CNTN4: variants seen among roughly 807,000 people sequenced by gnomAD.
CNTN4 encodes contactin 4, also known as contactin-4.
A neutral mutation model predicts 122.5 loss-of-function variants in CNTN4; 77 were observed. That is an observed-to-expected ratio of 0.63 (90% CI 0.52 to 0.76). The LOEUF is 0.76. Among genes scored for constraint, CNTN4 ranks in the 30% least tolerant of loss-of-function variants. CNTN4 has a pLI of 0.00. For missense variants in CNTN4, 1,256 were observed against 1,259.1 expected, an observed-to-expected ratio of 1.00 and a Z score of 0.04; for synonymous variants, 512 against 447.0, an observed-to-expected ratio of 1.15 and a Z score of -1.83.
At chr3:2,723,101 T>A (rs1172627112) in intron 4 of CNTN4, among the ~76,000 whole-genome samples, 1 of 152,192 alleles carries the variant, frequency 6.6e-6, no homozygotes, top group Non-Finnish European at 1.5e-5. Flanking sequence ...TTTCCCACTA[T>A]ATTTCTAGGT....
At chr3:2,792,400 G>T (rs1220925813) in intron 6 of CNTN4, among the ~76,000 whole-genome samples, 2 of 152,118 alleles carry the variant, frequency 1.3e-5, no homozygotes, top group East Asian at 3.8e-4. Context: ...CTCCTAGTTT[G>T]ACAGAAATAA....
At chr3:2,684,165 A>T (rs1326474426) in intron 4 of CNTN4, among the ~76,000 whole-genome samples, 1 of 152,162 alleles carries the variant, frequency 6.6e-6, no homozygotes, top group African/African-American at 2.4e-5. Context: ...TTTAAATACA[A>T]GGGGAAGCCA....
chr3:2,500,953 T>C (rs1174491354), intron 3 of CNTN4, among the ~76,000 whole-genome samples: 1 of 152,172 alleles, frequency 6.6e-6, no homozygotes, highest in Admixed American at 6.5e-5. Context: ...GCACAATGTA[T>C]AGATTGTTAA....
chr3:2,750,636 C>A (rs939310198), intron 6 of CNTN4, among the ~76,000 whole-genome samples: 1 of 152,144 alleles, frequency 6.6e-6, no homozygotes, highest in East Asian at 1.9e-4. Flanking sequence ...TTCAGTCTCT[C>A]TGCAGCATTA....
intron 6 of CNTN4, among the ~76,000 whole-genome samples, chr3:2,764,410 C>T (rs547011310): frequency 3.3e-5 from 5 of 152,202 alleles, no homozygotes; most frequent in African/African-American, 1.2e-4. Context: ...ACAGAATGTA[C>T]AAAGGTGCTG....
intron 4 of CNTN4, among the ~76,000 whole-genome samples, chr3:2,703,351 A>C (rs2086465077): frequency 6.6e-6 from 1 of 152,204 alleles, no homozygotes; most frequent in African/African-American, 2.4e-5. Flanking sequence ...GCTTACATGA[A>C]ATGGAAAAAA....
At chr3:3,051,016 C>G (rs993840413) in intron 23 of CNTN4, among the ~76,000 whole-genome samples, 3 of 152,130 alleles carry the variant, frequency 2.0e-5, no homozygotes, top group African/African-American at 4.8e-5. Flanking sequence ...TGGCCCAACA[C>G]AAATTCATAA....
At chr3:2,272,755 T>C (rs992909024) in intron 2 of CNTN4, among the ~76,000 whole-genome samples, 2 of 152,118 alleles carry the variant, frequency 1.3e-5, no homozygotes, top group Non-Finnish European at 2.9e-5. Context: ...TGATTACTTA[T>C]GGTTTCTCAT....
Position 3,019,217 on chromosome 3 carries a change from C to T in CNTN4, c.1487-6885C>T, listed in dbSNP as rs553600561. Reference sequence around the variant, plus strand: ...AAGGAGTCTTTAATGGATTCTAAGGCTGGTGGGTACAAGTTTGATGACCAT... The same window carrying T: ...AAGGAGTCTTTAATGGATTCTAAGGTTGGTGGGTACAAGTTTGATGACCAT... On this transcript the variant is annotated intron_variant, in intron 14 of 24. Coordinates refer to ENST00000418658, the MANE Select transcript of CNTN4 (RefSeq NM_175607.3). Among the ~76,000 whole-genome samples, 3 of 152,308 alleles carry T rather than the reference C, an allele frequency of 2.0e-5. No homozygotes were observed. The South Asian group carries it at 6.2e-4, about 32-fold the overall frequency.
intron 2 of CNTN4, among the ~76,000 whole-genome samples, chr3:2,195,932 G>C (rs551174369): frequency 6.6e-6 from 1 of 152,172 alleles, no homozygotes. Flanking sequence ...AGTAAGGATT[G>C]TGGCATTACC....
At chr3:2,527,610 A>C (rs1040643039) in intron 3 of CNTN4, among the ~76,000 whole-genome samples, 1 of 152,132 alleles carries the variant, frequency 6.6e-6, no homozygotes, top group Admixed American at 6.6e-5. Flanking sequence ...TTCATCCGTA[A>C]AGCACCTTCT....
In CNTN4 at chr3:2,244,219, AAT is replaced by A. The variant is rs1491456211; in HGVS notation, c.-144-94958_-144-94957del. 7.3e-3 allele frequency among the ~76,000 whole-genome samples: 1,086 copies of A among 149,376 alleles called. 12 individuals carry two copies. Among genetic ancestry groups the A allele is most frequent in the African/African-American group, 0.019 (795 of 41,124 alleles). ...TATAACATCATACTGTAATAAAAAA[AAT>A]CTATGTAAATGTGGTTTCTCTCTCT... On this transcript the variant is annotated intron_variant, in intron 2 of 24. Coordinates refer to ENST00000418658, the MANE Select transcript of CNTN4 (RefSeq NM_175607.3).
At chr3:2,811,452 A>ATTAT (rs146081354) in intron 6 of CNTN4, among the ~76,000 whole-genome samples, 7,640 of 146,414 alleles carry the variant, frequency 0.052, 697 homozygotes, top group African/African-American at 0.18. Flanking sequence ...TTTTTATTTT[A>ATTAT]TTATTTATTT....
At chr3:2,396,704 T>TA (rs2046654410) in intron 3 of CNTN4, among the ~76,000 whole-genome samples, 1 of 151,722 alleles carries the variant, frequency 6.6e-6, no homozygotes, top group South Asian at 2.1e-4. Context: ...TGTGCTGTCA[T>TA]ACATAAATCA....
intron 4 of CNTN4, among the ~76,000 whole-genome samples, chr3:2,680,439 T>C (rs2085103723): frequency 6.6e-6 from 1 of 152,170 alleles, no homozygotes; most frequent in South Asian, 2.1e-4. Context: ...TCGGATACAG[T>C]GAGGCAGGCT....
intron 3 of CNTN4, among the ~76,000 whole-genome samples, chr3:2,519,182 CTG>C (rs763874823): frequency 6.6e-6 from 1 of 152,142 alleles, no homozygotes; most frequent in African/African-American, 2.4e-5. Flanking sequence ...CTTGTACCAA[CTG>C]TGTTTCAAGT....
chr3:2,950,914 A>G (rs974831540), intron 13 of CNTN4, among the ~76,000 whole-genome samples: 2 of 152,196 alleles, frequency 1.3e-5, no homozygotes, highest in African/African-American at 2.4e-5. Context: ...GATCATTGTC[A>G]TATCTTATGC....
chr3:2,499,506 A>C (rs890954247), intron 3 of CNTN4, among the ~76,000 whole-genome samples: 1 of 152,072 alleles, frequency 6.6e-6, no homozygotes, highest in Non-Finnish European at 1.5e-5. Context: ...TGTGAATTAC[A>C]TACCAATAAA....
intron 4 of CNTN4, among the ~76,000 whole-genome samples, chr3:2,714,880 G>A (rs2087392029): frequency 6.6e-6 from 1 of 152,130 alleles, no homozygotes; most frequent in Admixed American, 6.5e-5. Context: ...GGGGTTACAG[G>A]CATGAGGCAC....
Sources: gnomAD v4.1 joint callset for allele counts (sites outside exome capture counted in the v4.1 genomes callset) on GRCh38, gnomAD v4.1.1 for gene constraint, MANE v1.5 for transcripts, NCBI Gene and HGNC (gene_info 2026-07-23, HGNC 2026-07-21) for gene names.